The following GRIA4 variants were observed in gnomAD, a reference collection of about 807,000 sequenced individuals.
GRIA4 encodes the protein glutamate receptor 4.
Under a neutral mutation model 104.0 loss-of-function variants are expected in GRIA4, and 34 were observed. That is an observed-to-expected ratio of 0.33 (90% CI 0.25 to 0.44). The LOEUF (loss-of-function observed/expected upper bound fraction) is 0.44, where lower values mean the gene tolerates loss of function less well. Among genes scored for constraint, GRIA4 ranks in the 20% least tolerant of loss-of-function variants. GRIA4 has a pLI of 1.00. For synonymous variants in GRIA4, 386 were observed against 381.9 expected, an observed-to-expected ratio of 1.01 and a Z score of -0.13; for missense variants, 750 against 1,096.5, an observed-to-expected ratio of 0.68 and a Z score of 4.46.
intron 4 of GRIA4, among the ~76,000 whole-genome samples, chr11:105,813,528 A>G (rs1943259043): frequency 6.6e-6 from 1 of 152,172 alleles, no homozygotes; most frequent in South Asian, 2.1e-4. Context: ...TTGGGACACT[A>G]TTGCGTTGCT....
intron 3 of GRIA4, among the ~76,000 whole-genome samples, chr11:105,748,142 T>C (rs1010390139): frequency 6.6e-6 from 1 of 152,212 alleles, no homozygotes; most frequent in Non-Finnish European, 1.5e-5. Context: ...TTCTACTTCA[T>C]ACAGCATTGG....
chr11:105,758,638 G>A (rs1169142454), intron 4 of GRIA4, among the ~76,000 whole-genome samples: 1 of 152,090 alleles, frequency 6.6e-6, no homozygotes, highest in Non-Finnish European at 1.5e-5. Flanking sequence ...TGAAACAAAT[G>A]TATACAAATG....
At chr11:105,667,812 T>C (rs1591531355) in intron 3 of GRIA4, among the ~76,000 whole-genome samples, 1 of 152,030 alleles carries the variant, frequency 6.6e-6, no homozygotes, top group East Asian at 1.9e-4. Flanking sequence ...TTTCTCATAG[T>C]TGTCATTTTC....
chr11:105,673,600 T>C (rs1015465600), intron 3 of GRIA4, among the ~76,000 whole-genome samples: 12 of 152,036 alleles, frequency 7.9e-5, no homozygotes, highest in African/African-American at 2.7e-4. Context: ...CTGTAGAACA[T>C]GGAAATATCT....
chr11:105,667,772 T>C (rs1952214416), intron 3 of GRIA4, among the ~76,000 whole-genome samples: 1 of 152,086 alleles, frequency 6.6e-6, no homozygotes, highest in Non-Finnish European at 1.5e-5. Context: ...GAAATGATCA[T>C]GGCAATTAAG....
chr11:105,772,614 C>T (rs1270898260), intron 4 of GRIA4, among the ~76,000 whole-genome samples: 3 of 151,838 alleles, frequency 2.0e-5, no homozygotes, highest in East Asian at 1.9e-4. Flanking sequence ...GTGCCCCAAC[C>T]GTCACGTTGT....
intron 3 of GRIA4, among the ~76,000 whole-genome samples, chr11:105,620,414 G>T (rs1950712554): frequency 1.3e-5 from 2 of 151,806 alleles, no homozygotes; most frequent in African/African-American, 4.8e-5. Context: ...CAGGGCATCT[G>T]AATTTAAAGT....
At chr11:105,915,726 T>C (rs749252822) in intron 10 of GRIA4, among the ~76,000 whole-genome samples, 11 of 152,196 alleles carry the variant, frequency 7.2e-5, no homozygotes, top group Non-Finnish European at 1.5e-4. Flanking sequence ...ATTTCTTTAA[T>C]CTTGTTCCCT....
chr11:105,629,321 T>C (rs1307949010), intron 3 of GRIA4, among the ~76,000 whole-genome samples: 1 of 151,854 alleles, frequency 6.6e-6, no homozygotes, highest in Admixed American at 6.6e-5. Context: ...CATTTAGTGA[T>C]AGTAATACTC....
At chr11:105,855,918 A>G (rs1291327665) in intron 4 of GRIA4, among the ~76,000 whole-genome samples, 1 of 152,170 alleles carries the variant, frequency 6.6e-6, no homozygotes, top group African/African-American at 2.4e-5. Context: ...GACACCTGAA[A>G]TCCAAATGGA....
chr11:105,747,131 A>G (rs1365471248), intron 3 of GRIA4, among the ~76,000 whole-genome samples: 1 of 152,194 alleles, frequency 6.6e-6, no homozygotes, highest in Non-Finnish European at 1.5e-5. Context: ...GAACTCATAA[A>G]CATAGAAATT....
intron 9 of GRIA4, among the ~76,000 whole-genome samples, chr11:105,905,837 C>G (rs909680395): frequency 6.6e-6 from 1 of 152,128 alleles, no homozygotes; most frequent in African/African-American, 2.4e-5. Context: ...CAGGAAGGTG[C>G]TGGTGCTAGG....
intron 3 of GRIA4, among the ~76,000 whole-genome samples, chr11:105,738,395 GA>G (rs112308444): frequency 0.54 from 81,760 of 151,704 alleles, 22,142 homozygotes; most frequent in Admixed American, 0.61. Flanking sequence ...TGCTGGAGCA[GA>G]AAAAAAATAA....
At chr11:105,657,959 T>G (rs1419530041) in intron 3 of GRIA4, among the ~76,000 whole-genome samples, 1 of 151,816 alleles carries the variant, frequency 6.6e-6, no homozygotes, top group Non-Finnish European at 1.5e-5. Flanking sequence ...TTTTAAAATT[T>G]TATATTTTAT....
chr11:105,669,661 C>T (rs1952296924), intron 3 of GRIA4, among the ~76,000 whole-genome samples: 1 of 152,120 alleles, frequency 6.6e-6, no homozygotes, highest in Non-Finnish European at 1.5e-5. Context: ...ATCTGGACTT[C>T]AGAGACTTTA....
At chr11:105,766,327 A>G (rs868202365) in intron 4 of GRIA4, among the ~76,000 whole-genome samples, 52 of 152,300 alleles carry the variant, frequency 3.4e-4, no homozygotes, top group African/African-American at 1.3e-3. Context: ...TTATTCCCCA[A>G]AGGCATCTCA....
At chr11:105,653,640 A>G (rs1326293817) in intron 3 of GRIA4, among the ~76,000 whole-genome samples, 3 of 152,214 alleles carry the variant, frequency 2.0e-5, no homozygotes, top group African/African-American at 7.2e-5. Flanking sequence ...CAATAAGGTT[A>G]TATTAGGGTG....
rs116771062 is a variant in GRIA4 at position 105,970,559 on chromosome 11, G to A, written c.2295-1355G>A. Among the ~76,000 whole-genome samples the A allele has an allele frequency of 7.6e-3, 1,158 of 152,246 alleles. 14 individuals are homozygous for A. Among genetic ancestry groups the A allele is most frequent in the African/African-American group, 0.026 (1,075 of 41,536 alleles). ...GTGAACATGAAAAATGCTTTTAACC[G>A]TGCCTGGTACATAGTAAATGCTCAG... On this transcript the variant is annotated intron_variant, in intron 14 of 16. Transcript: ENST00000282499.
At chr11:105,719,276 T>C (rs1278035900) in intron 3 of GRIA4, among the ~76,000 whole-genome samples, 1 of 152,150 alleles carries the variant, frequency 6.6e-6, no homozygotes, top group Non-Finnish European at 1.5e-5. Flanking sequence ...TGGACAGAAT[T>C]GTGATTGGCA....
Sources: allele counts gnomAD v4.1 joint callset (sites outside exome capture counted in the v4.1 genomes callset), GRCh38; gene constraint gnomAD v4.1.1; transcripts MANE v1.5; gene names NCBI Gene and HGNC (gene_info 2026-07-23, HGNC 2026-07-21).